The following TRAF3 variants were observed in gnomAD, a reference collection of about 807,000 sequenced individuals.
The protein encoded by TRAF3 is TNF receptor associated factor 3.
A neutral mutation model predicts 62.3 loss-of-function variants in TRAF3; 13 were observed. The observed-to-expected ratio is 0.21, with a 90% CI of 0.14 to 0.33. TRAF3 has a LOEUF of 0.33. Among genes scored for constraint, TRAF3 ranks in the 10% least tolerant of loss-of-function variants. The pLI, the probability that TRAF3 is intolerant of heterozygous loss-of-function variation, is 1.00. For synonymous variants in TRAF3, 269 were observed against 283.4 expected (o/e 0.95, Z 0.51); for missense variants, 440 against 741.8 (o/e 0.59, Z 4.73).
At chr14:102,794,421 G>A (rs1021925846) in intron 1 of TRAF3, among the ~76,000 whole-genome samples, 3 of 152,184 alleles carry the variant, frequency 2.0e-5, no homozygotes, top group Admixed American at 2.0e-4. Context: ...GGGTTCAAAC[G>A]ATCCTCCCAC....
At chr14:102,827,338 G>A (rs1195396581) in intron 1 of TRAF3, among the ~76,000 whole-genome samples, 1 of 152,222 alleles carries the variant, frequency 6.6e-6, no homozygotes, top group Non-Finnish European at 1.5e-5. Context: ...TCCCTTATCT[G>A]AAATGCTTGG....
chr14:102,891,479 C>G (rs1566801763), intron 9 of TRAF3, 62 bp downstream of exon 9: 2 of 1,529,124 alleles, frequency 1.3e-6, no homozygotes, highest in East Asian at 2.4e-5. Context: ...TATTTAAAGA[C>G]AAAACCTTTT....
intron 1 of TRAF3, among the ~76,000 whole-genome samples, chr14:102,801,712 A>T (rs1008204356): frequency 4.6e-5 from 7 of 151,896 alleles, no homozygotes; most frequent in South Asian, 2.1e-4. Context: ...TTTAAAAAAA[A>T]TTTTTAATTA....
At chr14:102,837,101 G>GAAATT in intron 2 of TRAF3, among the ~76,000 whole-genome samples, 1 of 148,262 alleles carries the variant, frequency 6.7e-6, no homozygotes, top group Non-Finnish European at 1.5e-5. Flanking sequence ...AGAGTAGCTA[G>GAAATT]AAATTAAGCA....
intron 1 of TRAF3, among the ~76,000 whole-genome samples, chr14:102,785,988 G>T (rs1203278090): frequency 6.6e-6 from 1 of 152,194 alleles, no homozygotes; most frequent in East Asian, 1.9e-4. Flanking sequence ...GTGCATCTGG[G>T]ATAGGTCTCT....
At chr14:102,886,316 T>C in intron 7 of TRAF3, 47 bp downstream of exon 7, 3 of 1,532,812 alleles carry the variant, frequency 2.0e-6, no homozygotes, top group South Asian at 1.1e-5. Flanking sequence ...TCCTCAGGGC[T>C]GCGTGCCTGG....
intron 10 of TRAF3, among the ~76,000 whole-genome samples, chr14:102,901,302 C>G (rs1287590163): frequency 6.6e-6 from 1 of 152,122 alleles, no homozygotes; most frequent in Non-Finnish European, 1.5e-5. Flanking sequence ...CAGCGTGAGG[C>G]GCAGCTTGTC....
At chr14:102,886,351 C>T (rs942327298) in intron 7 of TRAF3, 82 bp downstream of exon 7, 1 of 1,256,618 alleles carries the variant, frequency 8.0e-7, no homozygotes, top group Admixed American at 1.9e-5. Context: ...ATAGCCGAAG[C>T]CTCACGTTTT....
In TRAF3 at chr14:102,867,352, A is replaced by G. The variant is rs186873688; in HGVS notation, c.-17-2833A>G. Among the ~76,000 whole-genome samples, 871 of 152,320 alleles carry G rather than the reference A, an allele frequency of 5.7e-3. 9 individuals are homozygous for G. The highest frequency in any genetic ancestry group is 9.9e-3 in the Admixed American group (151 of 15,300). On this transcript the variant is annotated intron_variant, in intron 2 of 11. Transcript: ENST00000392745. Reference sequence around the variant, plus strand: ...TTCTTAGTTCAAAGACCTTACAAAAATAGGCTGCTGGCTGGATTTGATTTG... The same window carrying G: ...TTCTTAGTTCAAAGACCTTACAAAAGTAGGCTGCTGGCTGGATTTGATTTG...
intron 1 of TRAF3, among the ~76,000 whole-genome samples, chr14:102,811,600 G>GT (rs1268984760): frequency 3.4e-5 from 5 of 145,626 alleles, no homozygotes; most frequent in Admixed American, 1.4e-4. Flanking sequence ...TTGTGCAGAG[G>GT]TCAGATCTCT....
At chr14:102,854,581 G>C (rs1887248562) in intron 2 of TRAF3, among the ~76,000 whole-genome samples, 1 of 152,128 alleles carries the variant, frequency 6.6e-6, no homozygotes, top group South Asian at 2.1e-4. Flanking sequence ...GCTCACTGCA[G>C]CCTCACCTCC....
intron 1 of TRAF3, among the ~76,000 whole-genome samples, chr14:102,808,725 G>A (rs1231733408): frequency 6.6e-6 from 1 of 152,092 alleles, no homozygotes; most frequent in East Asian, 1.9e-4. Context: ...AGTATTTGGG[G>A]AAAATATGTC....
intron 9 of TRAF3, chr14:102,894,963 A>G (rs1889924519): frequency 2.7e-6 from 1 of 376,014 alleles, no homozygotes; most frequent in Non-Finnish European, 5.4e-6. Flanking sequence ...CAGCCTTCCA[A>G]AGTGCTGAGA....
chr14:102,778,036 G>A lies in TRAF3; in HGVS notation c.-157+361G>A, dbSNP rs556643241. ...TGGCGTTGAGGACCCGGCACCCCGC[G>A]GGGCCGCGGGTTTCACGCGGGGGGA... On this transcript the variant is annotated intron_variant, in intron 1 of 11. Transcript: ENST00000392745. Among the ~76,000 whole-genome samples the A allele has an allele frequency of 3.6e-3, 548 of 150,646 alleles. 3 individuals carry two copies. Among genetic ancestry groups the A allele is most frequent in the Admixed American group, 9.9e-3 (150 of 15,142 alleles).
intron 6 of TRAF3, among the ~76,000 whole-genome samples, chr14:102,882,556 C>T (rs972518183): frequency 4.1e-5 from 6 of 145,106 alleles, no homozygotes; most frequent in Non-Finnish European, 5.9e-5. Context: ...GATTTAATTC[C>T]CATGTATTTT....
chr14:102,801,593 A>G (rs990464988), intron 1 of TRAF3, among the ~76,000 whole-genome samples: 1 of 152,024 alleles, frequency 6.6e-6, no homozygotes, highest in South Asian at 2.1e-4. Flanking sequence ...GAGGTGCAGT[A>G]GTACAATCAC....
At chr14:102,817,714 T>G (rs1465817106) in intron 1 of TRAF3, among the ~76,000 whole-genome samples, 1 of 152,220 alleles carries the variant, frequency 6.6e-6, no homozygotes, top group Non-Finnish European at 1.5e-5. Context: ...ATGTAATACT[T>G]CATATCCATT....
Position 102,896,143 on chromosome 14 carries a change from C to T in TRAF3, c.820-1118C>T, listed in dbSNP as rs1889996523. On this transcript the variant is annotated intron_variant, in intron 9 of 11. Transcript: ENST00000392745. ...GGAATAATTAAATCGAGCTAATTAA[C>T]ATATCCATCACATCACTTTGTTTAA... is the stretch of plus-strand genomic sequence containing the variant. 2.0e-5 allele frequency among the ~76,000 whole-genome samples: 3 copies of T among 152,294 alleles called. No individual in the cohort carries two copies. In the South Asian group the frequency reaches 6.2e-4, roughly 32 times the overall value.
intron 1 of TRAF3, among the ~76,000 whole-genome samples, chr14:102,792,111 G>GA (rs1897827566): frequency 2.2e-5 from 2 of 91,688 alleles, no homozygotes; most frequent in Middle Eastern, 7.2e-3. Flanking sequence ...ACTGTGCCTG[G>GA]ACTTTTTTTT....
Sources: gnomAD v4.1 joint callset for allele counts (sites outside exome capture counted in the v4.1 genomes callset) on GRCh38, gnomAD v4.1.1 for gene constraint, MANE v1.5 for transcripts, NCBI Gene and HGNC (gene_info 2026-07-23, HGNC 2026-07-21) for gene names.